TRPC7: variants seen among roughly 807,000 people sequenced by gnomAD.
The protein encoded by TRPC7 is transient receptor potential cation channel subfamily C member 7, also known as short transient receptor potential channel 7.
A neutral mutation model predicts 90.1 loss-of-function variants in TRPC7; 42 were observed. The ratio of observed to expected loss-of-function variants is 0.47; its 90% CI spans 0.36 to 0.60. The LOEUF is 0.60. Ranked by LOEUF, TRPC7 falls within the 20% of genes least tolerant of loss-of-function variation. The probability of loss-of-function intolerance (pLI) is 0.00; values close to 1 mark genes in which losing one functional copy is unlikely to be tolerated. For synonymous variants in TRPC7, 451 were observed against 436.3 expected, an observed-to-expected ratio of 1.03 and a Z score of -0.42; for missense variants, 955 against 1,112.3, an observed-to-expected ratio of 0.86 and a Z score of 2.01.
At chr5:136,338,111 G>C (rs1456631212) in intron 2 of TRPC7, among the ~76,000 whole-genome samples, 2 of 152,036 alleles carry the variant, frequency 1.3e-5, no homozygotes, top group Admixed American at 1.3e-4. Flanking sequence ...AATTTTCAAA[G>C]CATTTACCAA....
chr5:136,277,128 C>G (rs1013097107), intron 3 of TRPC7, among the ~76,000 whole-genome samples: 4 of 152,242 alleles, frequency 2.6e-5, no homozygotes, highest in African/African-American at 9.6e-5. Flanking sequence ...GCTGCTGCCT[C>G]TTGGCAGACA....
At chr5:136,289,441 A>C (rs963672187) in intron 3 of TRPC7, among the ~76,000 whole-genome samples, 1 of 152,156 alleles carries the variant, frequency 6.6e-6, no homozygotes, top group African/African-American at 2.4e-5. Context: ...GGTCACTCCC[A>C]CCCTAATACT....
At chr5:136,274,542 G>A (rs879411950) in intron 4 of TRPC7, 131 bp downstream of exon 4, 2 of 988,866 alleles carry the variant, frequency 2.0e-6, no homozygotes, top group East Asian at 3.2e-5. Flanking sequence ...TACTTTCACC[G>A]GGTATCTCAG....
intron 2 of TRPC7, among the ~76,000 whole-genome samples, chr5:136,349,600 T>G (rs2149857147): frequency 6.6e-6 from 1 of 152,374 alleles, no homozygotes; most frequent in Admixed American, 6.5e-5. Flanking sequence ...CACTGATTTA[T>G]TTGTCTATTT....
intron 2 of TRPC7, among the ~76,000 whole-genome samples, chr5:136,338,513 C>G (rs938810431): frequency 6.6e-6 from 1 of 152,148 alleles, no homozygotes; most frequent in Non-Finnish European, 1.5e-5. Flanking sequence ...TACATAGTGT[C>G]CTATCGCTCA....
At chr5:136,281,633 C>T (rs1016548304) in intron 3 of TRPC7, among the ~76,000 whole-genome samples, 42 of 152,180 alleles carry the variant, frequency 2.8e-4, no homozygotes, top group African/African-American at 9.6e-4. Flanking sequence ...GGAACATGCA[C>T]AGGCTCTGGG....
intron 8 of TRPC7, among the ~76,000 whole-genome samples, chr5:136,230,068 T>C (rs2149796664): frequency 6.6e-6 from 1 of 152,374 alleles, no homozygotes; most frequent in South Asian, 2.1e-4. Flanking sequence ...TACAGTATCC[T>C]ACACCTTATT....
At position 136,297,036 on chromosome 5, in the gene TRPC7, G is replaced by T. The variant is rs139357022; in HGVS notation, c.963+18561C>A. Among the ~76,000 whole-genome samples, 503 of 152,146 alleles carry T rather than the reference G, an allele frequency of 3.3e-3. 3 individuals are homozygous for T. The highest frequency in any genetic ancestry group is 4.8e-3 in the Non-Finnish European group (325 of 67,998). On this transcript the variant is annotated intron_variant, in intron 3 of 11. Coordinates refer to ENST00000513104, the MANE Select transcript of TRPC7 (RefSeq NM_020389.3). ...CACCTGCAAGTCCCTAAACGTGATC[G>T]CACCTTTATAGGTCCCCCACTGCTT...
rs1282679203 is a variant in TRPC7, at chr5:136,251,690, T to C, written c.1538A>G (p.His513Arg). 1 of 1,612,866 alleles carries C rather than the reference T, an allele frequency of 6.2e-7. No individual in the cohort carries two copies. Among genetic ancestry groups the C allele is most frequent in the South Asian group, 1.1e-5 (1 of 91,014 alleles). Residue 513 changes from histidine (H) to arginine (R), a missense_variant, in exon 6 of 12, where the codon CAC becomes CGC. Coordinates refer to ENST00000513104, the MANE Select transcript of TRPC7 (RefSeq NM_020389.3). ...VDQHVQDDTL[H>R]NVSLPPEVAY... ...CACTTCCGGCGGAAGCGAGACATTG[T>C]GCAGCGTGTCGTCCTGCACGTGCTG...
intron 3 of TRPC7, among the ~76,000 whole-genome samples, chr5:136,285,401 C>G (rs1373128885): frequency 6.6e-6 from 1 of 152,176 alleles, no homozygotes; most frequent in Non-Finnish European, 1.5e-5. Context: ...GCACTTGATT[C>G]ATGGAACCTG....
At position 136,358,043 on chromosome 5, in the gene TRPC7, C is replaced by T. The variant is rs909530405; in HGVS notation, c.3-658G>A. On this transcript the variant is annotated intron_variant, in intron 1 of 11. Coordinates refer to ENST00000513104, the MANE Select transcript of TRPC7 (RefSeq NM_020389.3). ...GCAATATGCATGCATGCATATCACA[C>T]GTGTCCGTTTCTACATTCTGTGCTG... 3.2e-4 allele frequency among the ~76,000 whole-genome samples: 49 copies of T among 152,144 alleles called. 1 individual carries two copies.
chr5:136,234,958 C>A (rs533386755), intron 7 of TRPC7, among the ~76,000 whole-genome samples: 39 of 152,052 alleles, frequency 2.6e-4, no homozygotes, highest in African/African-American at 8.7e-4. Flanking sequence ...AACTAAATAA[C>A]TTCTGAATGG....
intron 5 of TRPC7, among the ~76,000 whole-genome samples, chr5:136,261,644 C>A (rs929806647): frequency 1.3e-5 from 2 of 152,222 alleles, no homozygotes; most frequent in Non-Finnish European, 1.5e-5. Flanking sequence ...TCTCTTGGTT[C>A]TTCTCTTACT....
intron 3 of TRPC7, among the ~76,000 whole-genome samples, chr5:136,289,035 C>T (rs371123128): frequency 1.3e-5 from 2 of 152,158 alleles, no homozygotes; most frequent in East Asian, 1.9e-4. Flanking sequence ...TCCAAATTAG[C>T]CAACACTTTA....
chr5:136,341,076 T>C (rs1198982268), intron 2 of TRPC7, among the ~76,000 whole-genome samples: 1 of 152,208 alleles, frequency 6.6e-6, no homozygotes, highest in South Asian at 2.1e-4. Flanking sequence ...ATCTCTTATA[T>C]AGTTTTCAGT....
At position 136,247,770 on chromosome 5, in the gene TRPC7, A is replaced by G. The variant is rs1756391390; in HGVS notation, c.1580-35T>C. On this transcript the variant is annotated intron_variant, in intron 6 of 11. Coordinates refer to ENST00000513104, the MANE Select transcript of TRPC7 (RefSeq NM_020389.3). The surrounding 1 kb of genome is among the most constrained non-coding windows in gnomAD (Gnocchi z 4.2). Reference sequence around the variant, plus strand: ...AACAATCTGGGTTACTCACGAGGCCACAGGATCTATTCTAGAAGAGAAACC... The same window carrying G: ...AACAATCTGGGTTACTCACGAGGCCGCAGGATCTATTCTAGAAGAGAAACC... 1 of 1,596,998 alleles carries G rather than the reference A, an allele frequency of 6.3e-7. No individual in the cohort carries two copies. Among genetic ancestry groups the G allele is most frequent in the South Asian group, 1.1e-5 (1 of 88,426 alleles).
At chr5:136,269,941 A>C (rs552847130) in intron 4 of TRPC7, among the ~76,000 whole-genome samples, 1 of 152,266 alleles carries the variant, frequency 6.6e-6, no homozygotes, top group African/African-American at 2.4e-5. Context: ...TTTCAATGTG[A>C]ATCCACACTT....
chr5:136,277,057 C>T (rs1757387973), intron 3 of TRPC7, among the ~76,000 whole-genome samples: 1 of 152,240 alleles, frequency 6.6e-6, no homozygotes, highest in South Asian at 2.1e-4. Context: ...GGAAGGATGC[C>T]TGTCACAATC....
intron 10 of TRPC7, among the ~76,000 whole-genome samples, chr5:136,223,486 G>A (rs981789160): frequency 1.3e-5 from 2 of 152,078 alleles, no homozygotes; most frequent in Non-Finnish European, 2.9e-5. Flanking sequence ...GGTGGCGCAT[G>A]CCTGTAATCC....
Sources: gnomAD v4.1 joint callset for allele counts (sites outside exome capture counted in the v4.1 genomes callset) on GRCh38, gnomAD v4.1.1 for gene constraint, Gnocchi (gnomAD v3.1) non-coding constraint, MANE v1.5 for transcripts, NCBI Gene and HGNC (gene_info 2026-07-23, HGNC 2026-07-21) for gene names.